MYSM1: variants seen among roughly 807,000 people sequenced by gnomAD.
MYSM1 encodes Myb like, SWIRM and MPN domains 1, also known as deubiquitinase MYSM1.
In MYSM1, 51 loss-of-function variants were observed where a neutral mutation model predicts 116.0. That is an observed-to-expected ratio of 0.44 (90% CI 0.35 to 0.56). The LOEUF (loss-of-function observed/expected upper bound fraction) is 0.56, where lower values mean the gene tolerates loss of function less well. Ranked by LOEUF, MYSM1 falls within the 20% of genes least tolerant of loss-of-function variation. MYSM1 has a pLI of 0.00. For synonymous variants in MYSM1, 313 were observed against 315.2 expected, an observed-to-expected ratio of 0.99 and a Z score of 0.07; for missense variants, 900 against 974.9, an observed-to-expected ratio of 0.92 and a Z score of 1.02.
At chr1:58,669,786 C>T (rs1644528173) in intron 12 of MYSM1, among the ~76,000 whole-genome samples, 2 of 141,076 alleles carry the variant, frequency 1.4e-5, no homozygotes, top group Admixed American at 1.5e-4. Flanking sequence ...CATGATTTCA[C>T]CACTCTACTA....
rs1025887706 is a variant in MYSM1 at position 58,655,102 on chromosome 1, A to G, written c.*4895T>C. On this transcript the variant is annotated 3_prime_UTR_variant, in exon 20 of 20. Transcript: ENST00000472487. Reference sequence around the variant, plus strand: ...ATGCCATATGTTTAGTAACTAACTTACTTATACACAACACATAATTTACAT... The same window carrying G: ...ATGCCATATGTTTAGTAACTAACTTGCTTATACACAACACATAATTTACAT... 1 of 152,226 alleles carries G rather than the reference A, an allele frequency of 6.6e-6. No homozygotes were observed. Among genetic ancestry groups the G allele is most frequent in the African/African-American group, 2.4e-5 (1 of 41,470 alleles). The allele number at this position is 152,226 out of a possible 1,614,324, so 9.4% of individuals were successfully genotyped here.
chr1:58,666,891 TAA>T lies in MYSM1; in HGVS notation c.2031+145_2031+146del, dbSNP rs371919208. 364 of 358,740 alleles carry T rather than the reference TAA, an allele frequency of 1.0e-3. 1 individual carries two copies. The highest frequency in any genetic ancestry group is 6.5e-3 in the African/African-American group (287 of 43,998). 22.2% of individuals were successfully genotyped at this position (358,740 alleles called of 1,614,324 possible). ...CTCTGTCTCAAAAAAAAAATAATAA[TAA>T]AAATAAATAAAAATAAACAAACAAA... On this transcript the variant is annotated intron_variant, in intron 16 of 19. Transcript: ENST00000472487.
rs1307350649 is a variant in MYSM1, at chr1:58,657,214, T to C, written c.*2783A>G. The C allele has an allele frequency of 6.8e-6, 1 of 146,704 alleles. No individual in the cohort carries two copies. The highest frequency in any genetic ancestry group is 1.5e-5 in the Non-Finnish European group (1 of 67,208). 9.1% of individuals were successfully genotyped at this position (146,704 alleles called of 1,614,324 possible). ...AAGTCTAATACTGGGGAAGCGCTAG[T>C]GTCGATTTCCATTAGCCAAGCCAGA... On this transcript the variant is annotated 3_prime_UTR_variant, in exon 20 of 20. Transcript: ENST00000472487.
intron 14 of MYSM1, 119 bp downstream of exon 14, chr1:58,668,513 T>TA: frequency 1.4e-6 from 2 of 1,385,470 alleles, no homozygotes; most frequent in South Asian, 3.6e-5. Flanking sequence ...AGATTCCTTG[T>TA]AAAAGAGGAC....
chr1:58,667,963 C>A, intron 14 of MYSM1, 42 bp from the exon 15 acceptor site: 1 of 1,368,988 alleles, frequency 7.3e-7, no homozygotes, highest in Non-Finnish European at 1.0e-6. Flanking sequence ...ACGCACAAAC[C>A]CACCTGACAA....
Position 58,673,787 on chromosome 1 carries a change from ATGAC to A in MYSM1, c.1495-141_1495-138del, listed in dbSNP as rs757189432. The A allele has an allele frequency of 2.5e-5, 17 of 672,606 alleles. 1 individual carries two copies. The highest frequency in any genetic ancestry group is 2.0e-4 in the African/African-American group (11 of 54,908). The allele number at this position is 672,606 out of a possible 1,614,324, so 41.7% of individuals were successfully genotyped here. Reference sequence around the variant, plus strand: ...AATTTAAATAGTATAACCTCTGGCAATGACTGACTAAACTTTATTAATTTATGTT... The same window carrying A: ...AATTTAAATAGTATAACCTCTGGCAATGACTAAACTTTATTAATTTATGTT... On this transcript the variant is annotated intron_variant, in intron 10 of 19. Transcript: ENST00000472487.
intron 9 of MYSM1, among the ~76,000 whole-genome samples, chr1:58,676,049 T>TC (rs764969014): frequency 1.2e-4 from 19 of 152,216 alleles, no homozygotes; most frequent in Non-Finnish European, 2.6e-4. Context: ...AATATACTCT[T>TC]CTTAAACCAT....
intron 6 of MYSM1, among the ~76,000 whole-genome samples, chr1:58,688,596 G>A (rs1011373206): frequency 1.3e-5 from 2 of 151,282 alleles, no homozygotes; most frequent in East Asian, 1.9e-4. Flanking sequence ...ATTTAGAGTC[G>A]CTGAAATATT....
At chr1:58,666,057 TAA>T (rs1312579597) in intron 16 of MYSM1, among the ~76,000 whole-genome samples, 1 of 142,706 alleles carries the variant, frequency 7.0e-6, no homozygotes. Context: ...ACTATGTCTC[TAA>T]AAAAAAAAAA....
At chr1:58,671,452 C>T (rs938994482) in intron 12 of MYSM1, among the ~76,000 whole-genome samples, 17 of 152,196 alleles carry the variant, frequency 1.1e-4, no homozygotes, top group Non-Finnish European at 2.4e-4. Context: ...AAAATCGGAA[C>T]ATTTAACTTA....
intron 1 of MYSM1, among the ~76,000 whole-genome samples, chr1:58,698,941 G>A (rs1423081389): frequency 6.6e-6 from 1 of 152,186 alleles, no homozygotes; most frequent in Admixed American, 6.5e-5. Context: ...CCTGTTCACA[G>A]AGGCCCTAAT....
chr1:58,685,019 A>G (rs1010308722), intron 7 of MYSM1, 134 bp downstream of exon 7: 11 of 552,458 alleles, frequency 2.0e-5, no homozygotes, highest in Admixed American at 3.8e-5. Flanking sequence ...GAGGTTTTGT[A>G]TAGTACTATG....
rs778474422 is a variant in MYSM1 at position 58,681,878 on chromosome 1, T to A, written c.1166A>T (p.Glu389Val). 1.5e-5 allele frequency: 25 copies of A among 1,613,796 alleles called. No individual in the cohort carries two copies. The East Asian group carries it at 5.6e-4, about 36-fold the overall frequency. The change falls in exon 8 of 20, where the codon GAA becomes GTA. Residue 389 changes from glutamate (E) to valine (V), a missense_variant. Glu to Val is a moderately radical substitution (Grantham distance 121). Transcript: ENST00000472487. ...AAACTCAGGAATTGCTTGTTTTTCTTCTTCTTGAATGATATTTCTATCTAT... is the reference window on the plus strand; with the variant it reads ...AAACTCAGGAATTGCTTGTTTTTCTACTTCTTGAATGATATTTCTATCTAT... The part of the protein sequence containing the change: ...IEIDRNIIQE[E>V]EKQAIPEFFE...
chr1:58,681,461 C>A (rs561936313), intron 8 of MYSM1, among the ~76,000 whole-genome samples: 1 of 152,260 alleles, frequency 6.6e-6, no homozygotes, highest in South Asian at 2.1e-4. Context: ...CATGATAAAC[C>A]GGAAAGAATT....
chr1:58,686,270 G>A (rs949422131), intron 6 of MYSM1, among the ~76,000 whole-genome samples: 4 of 151,950 alleles, frequency 2.6e-5, no homozygotes, highest in African/African-American at 9.7e-5. Context: ...GCACAGAAAG[G>A]AACACATAAT....
At chr1:58,679,448 A>G (rs1448423376) in intron 8 of MYSM1, among the ~76,000 whole-genome samples, 1 of 152,190 alleles carries the variant, frequency 6.6e-6, no homozygotes, top group Non-Finnish European at 1.5e-5. Flanking sequence ...TAACAAGAAT[A>G]TAGTGATCAT....
chr1:58,682,480 A>C lies in MYSM1; in HGVS notation c.564T>G (p.Asn188Lys), dbSNP rs765612214. 1.9e-6 allele frequency: 3 copies of C among 1,613,742 alleles called. No individual in the cohort carries two copies. In the South Asian group the frequency reaches 3.3e-5, roughly 18 times the overall value. The change falls in exon 8 of 20, where the codon AAT becomes AAG. Residue 188 changes from asparagine (N) to lysine (K), a missense_variant. This residue lies in a region of MYSM1 where 622 missense variants were observed against 623.7 expected (regional missense o/e 1.00). Coordinates refer to ENST00000472487, the MANE Select transcript of MYSM1 (RefSeq NM_001085487.3). Reference sequence around the variant, plus strand: ...TCCATGCCTTTGTCCCTTTATCTTCATTTTTAACTTGAAGATTATGGCCGG... The same window carrying C: ...TCCATGCCTTTGTCCCTTTATCTTCCTTTTTAACTTGAAGATTATGGCCGG... ...QKTGHNLQVK[N>K]EDKGTKAWTP...
At chr1:58,679,678 C>G (rs967324390) in intron 8 of MYSM1, among the ~76,000 whole-genome samples, 1 of 152,130 alleles carries the variant, frequency 6.6e-6, no homozygotes, top group Admixed American at 6.5e-5. Context: ...AAACTAGTCT[C>G]GAACTCCTGG....
At chr1:58,682,574 TA>T in intron 7 of MYSM1, 29 bp from the exon 8 acceptor site, 1 of 1,524,236 alleles carries the variant, frequency 6.6e-7, no homozygotes, top group Admixed American at 2.2e-5. Context: ...AAAATCCCCA[TA>T]ATATTAAGAT....
Sources: allele counts gnomAD v4.1 joint callset (sites outside exome capture counted in the v4.1 genomes callset), GRCh38; gene constraint gnomAD v4.1.1; regional missense constraint gnomAD v4.1.1; transcripts MANE v1.5; gene names NCBI Gene and HGNC (gene_info 2026-07-23, HGNC 2026-07-21).